The following GRID1 variants were observed in gnomAD, a reference collection of about 807,000 sequenced individuals.
The protein encoded by GRID1 is glutamate receptor ionotropic, delta-1.
Under a neutral mutation model 98.0 loss-of-function variants are expected in GRID1, and 28 were observed. That is an observed-to-expected ratio of 0.29 (90% CI 0.21 to 0.39). GRID1 has a LOEUF of 0.39. Ranked by LOEUF, GRID1 falls within the 10% of genes least tolerant of loss-of-function variation. The pLI is 1.00. For synonymous variants in GRID1, 553 were observed against 538.5 expected, an observed-to-expected ratio of 1.03 and a Z score of -0.37; for missense variants, 1,111 against 1,340.5, an observed-to-expected ratio of 0.83 and a Z score of 2.67.
chr10:86,007,799 TG>T (rs1431017577), intron 4 of GRID1, among the ~76,000 whole-genome samples: 6 of 150,592 alleles, frequency 4.0e-5, no homozygotes, highest in Non-Finnish European at 7.4e-5. Flanking sequence ...GCCTCAGTTT[TG>T]TTTTTTTTGT....
At chr10:86,359,536 T>A (rs550464449) in intron 2 of GRID1, among the ~76,000 whole-genome samples, 1 of 152,358 alleles carries the variant, frequency 6.6e-6, no homozygotes, top group African/African-American at 2.4e-5. Flanking sequence ...TCTTGGTAAT[T>A]TTTATGTCTT....
At chr10:85,934,981 G>C (rs1185719023) in intron 4 of GRID1, among the ~76,000 whole-genome samples, 1 of 152,184 alleles carries the variant, frequency 6.6e-6, no homozygotes, top group Non-Finnish European at 1.5e-5. Flanking sequence ...GAAAGTTCAT[G>C]TCATGGAAAA....
intron 4 of GRID1, among the ~76,000 whole-genome samples, chr10:85,953,616 T>C (rs1239669668): frequency 6.6e-6 from 1 of 152,218 alleles, no homozygotes; most frequent in East Asian, 1.9e-4. Flanking sequence ...GTGGACTCTA[T>C]AATATTCCTG....
chr10:85,860,112 TCACAGGC>T (rs1309911242), intron 6 of GRID1, among the ~76,000 whole-genome samples: 7 of 152,054 alleles, frequency 4.6e-5, no homozygotes, highest in Non-Finnish European at 1.0e-4. Flanking sequence ...CAGGCTGGAG[TCACAGGC>T]CACAGGTGCA....
chr10:86,015,653 C>A (rs1398145036), intron 4 of GRID1, among the ~76,000 whole-genome samples: 1 of 152,208 alleles, frequency 6.6e-6, no homozygotes, highest in African/African-American at 2.4e-5. Context: ...GGGGATCCAA[C>A]TGCTCTGGGG....
rs557847454 is a variant in GRID1 at position 85,801,234 on chromosome 10, A to C, written c.1233+53262T>G. On this transcript the variant is annotated intron_variant, in intron 8 of 15. Coordinates refer to ENST00000327946, the MANE Select transcript of GRID1 (RefSeq NM_017551.3). ...AAAATTCTGTTAGCTTTTGAAAAAA[A>C]TTAAAAGAATTAAAGGTTTTCCCAC... 1.1e-3 allele frequency among the ~76,000 whole-genome samples: 162 copies of C among 152,082 alleles called. 2 individuals carry two copies. In the South Asian group the frequency reaches 0.023, roughly 22 times the overall value.
chr10:85,693,491 T>A (rs1841356010), intron 12 of GRID1, among the ~76,000 whole-genome samples: 1 of 152,048 alleles, frequency 6.6e-6, no homozygotes, highest in Non-Finnish European at 1.5e-5. Context: ...CAGTATTGGC[T>A]CATCAACTGT....
At chr10:86,256,489 G>A (rs546243685) in intron 2 of GRID1, among the ~76,000 whole-genome samples, 17 of 152,084 alleles carry the variant, frequency 1.1e-4, no homozygotes, top group South Asian at 6.2e-4. Context: ...ATTAAATGTC[G>A]TCATGTCCCC....
intron 4 of GRID1, among the ~76,000 whole-genome samples, chr10:85,973,999 C>G (rs1356171401): frequency 1.3e-5 from 2 of 152,164 alleles, no homozygotes; most frequent in Non-Finnish European, 2.9e-5. Flanking sequence ...GGGGAGTCAC[C>G]TGGATGGCCC....
At chr10:86,235,812 T>C (rs1846529012) in intron 2 of GRID1, among the ~76,000 whole-genome samples, 1 of 152,270 alleles carries the variant, frequency 6.6e-6, no homozygotes, top group African/African-American at 2.4e-5. Flanking sequence ...ATTTGTGTTG[T>C]ATCCAGTTTG....
chr10:85,925,342 C>A (rs1183871910), intron 4 of GRID1, among the ~76,000 whole-genome samples: 1 of 152,238 alleles, frequency 6.6e-6, no homozygotes, highest in Non-Finnish European at 1.5e-5. Flanking sequence ...TGCTGTCACA[C>A]AACTTCTTTA....
intron 4 of GRID1, among the ~76,000 whole-genome samples, chr10:86,036,229 C>T (rs186639907): frequency 9.2e-4 from 140 of 152,284 alleles, no homozygotes; most frequent in Non-Finnish European, 1.5e-3. Flanking sequence ...TAAGACAGTC[C>T]GCCTTGGGCT....
chr10:85,983,146 C>T (rs1842566222), intron 4 of GRID1, among the ~76,000 whole-genome samples: 1 of 152,178 alleles, frequency 6.6e-6, no homozygotes, highest in Admixed American at 6.5e-5. Flanking sequence ...AGGTGGGCAG[C>T]CTGCTCCTGA....
chr10:86,087,173 T>C (rs1844072340), intron 4 of GRID1, among the ~76,000 whole-genome samples: 1 of 152,166 alleles, frequency 6.6e-6, no homozygotes, highest in Admixed American at 6.5e-5. Context: ...CCCATCTGGG[T>C]CTTCTCCATC....
At chr10:85,790,575 T>C (rs1458549271) in intron 8 of GRID1, among the ~76,000 whole-genome samples, 1 of 152,026 alleles carries the variant, frequency 6.6e-6, no homozygotes, top group East Asian at 1.9e-4. Flanking sequence ...GCCATGTCAG[T>C]ATGGGGCACC....
At chr10:85,817,620 G>A (rs1842727499) in intron 8 of GRID1, among the ~76,000 whole-genome samples, 1 of 150,626 alleles carries the variant, frequency 6.6e-6, no homozygotes, top group Admixed American at 6.6e-5. Context: ...AAGGCCAGGT[G>A]CAGTGGCTCA....
intron 2 of GRID1, among the ~76,000 whole-genome samples, chr10:86,263,260 C>T (rs1847046760): frequency 6.6e-6 from 1 of 152,262 alleles, no homozygotes; most frequent in Non-Finnish European, 1.5e-5. Flanking sequence ...AGAGTGTGTG[C>T]CTGGCGGAGA....
intron 2 of GRID1, among the ~76,000 whole-genome samples, chr10:86,321,407 T>C (rs577332602): frequency 7.9e-5 from 12 of 152,298 alleles, no homozygotes; most frequent in African/African-American, 2.6e-4. Flanking sequence ...ATAAACACTT[T>C]TTTAAAAATC....
intron 12 of GRID1, among the ~76,000 whole-genome samples, chr10:85,665,419 T>A (rs1841008309): frequency 6.6e-6 from 1 of 152,184 alleles, no homozygotes; most frequent in Admixed American, 6.5e-5. Flanking sequence ...ATTATATTAA[T>A]TAAACTGAAA....
Sources: allele counts gnomAD v4.1 joint callset (sites outside exome capture counted in the v4.1 genomes callset), GRCh38; gene constraint gnomAD v4.1.1; transcripts MANE v1.5; gene names NCBI Gene and HGNC (gene_info 2026-07-23, HGNC 2026-07-21).